WDR83: variants seen among roughly 807,000 people sequenced by gnomAD.
WDR83 encodes WD repeat domain 83, also known as WD repeat domain-containing protein 83.
WDR83 carries 37 observed loss-of-function variants against 37.7 expected under a neutral mutation model. That is an observed-to-expected ratio of 0.98 (90% CI 0.76 to 1.29). The LOEUF (loss-of-function observed/expected upper bound fraction) is 1.29. WDR83 is among the 50% of genes most tolerant of loss of function. The probability of loss-of-function intolerance (pLI) is 0.00; values close to 1 mark genes in which losing one functional copy is unlikely to be tolerated. For synonymous variants in WDR83, 174 were observed against 181.1 expected, an observed-to-expected ratio of 0.96 and a Z score of 0.31; for missense variants, 445 against 414.4, an observed-to-expected ratio of 1.07 and a Z score of -0.64.
In WDR83 at chr19:12,669,749, G is replaced by C. The variant is rs368950634; in HGVS notation, c.-36-6G>C. The C allele has an allele frequency of 4.5e-6, 7 of 1,542,590 alleles. No individual in the cohort carries two copies. The highest frequency in any genetic ancestry group is 6.1e-6 in the Non-Finnish European group (7 of 1,144,216). On this transcript the variant is annotated splice_polypyrimidine_tract_variant and splice_region_variant and intron_variant, in intron 2 of 10. Transcript: ENST00000418543. Reference sequence around the variant, plus strand: ...GGGTTTCTAAGGCGCGGAATTTTCCGTACAGACCGATTTAAGGCTGCAAGG... The same window carrying C: ...GGGTTTCTAAGGCGCGGAATTTTCCCTACAGACCGATTTAAGGCTGCAAGG...
Position 12,672,880 on chromosome 19 carries a change from A to G in WDR83, c.540A>G (p.Leu180=), listed in dbSNP as rs2145321124. Residue 180 remains leucine, a synonymous_variant, in exon 8 of 11, where the codon CTA becomes CTG. Coordinates refer to ENST00000418543, the MANE Select transcript of WDR83 (RefSeq NM_001099737.3). ...ATGGCCGCGTGAGACGCTATGACCT[A>G]AGGATGGGGCAGCTCTTCTCAGACT... The part of the protein sequence containing the change: ...SVDGRVRRYD[L]RMGQLFSDYV... The G allele has an allele frequency of 6.3e-7, 1 of 1,596,092 alleles. No homozygotes were observed. The highest frequency in any genetic ancestry group is 8.5e-7 in the Non-Finnish European group (1 of 1,171,254).
At chr19:12,673,863 C>G (rs1452956848) in intron 10 of WDR83, among the ~76,000 whole-genome samples, 1 of 152,036 alleles carries the variant, frequency 6.6e-6, no homozygotes, top group East Asian at 1.9e-4. Flanking sequence ...CCATACCTGG[C>G]TAATTTTTGT....
intron 10 of WDR83, among the ~76,000 whole-genome samples, chr19:12,675,066 A>ATGGC (rs1207654513): frequency 6.6e-6 from 1 of 151,490 alleles, no homozygotes; most frequent in East Asian, 1.9e-4. Flanking sequence ...GTGAGCCCAG[A>ATGGC]TGGCGCCACT....
intron 7 of WDR83, 87 bp from the exon 8 acceptor site, chr19:12,672,760 C>T: frequency 1.5e-6 from 2 of 1,360,958 alleles, no homozygotes; most frequent in Non-Finnish European, 2.0e-6. Flanking sequence ...ACTGGAAGAG[C>T]AGGCCCACTG....
chr19:12,669,598 G>T, intron 2 of WDR83, 157 bp from the exon 3 acceptor site: 1 of 928,980 alleles, frequency 1.1e-6, no homozygotes, highest in Non-Finnish European at 1.6e-6. Context: ...GGGAAAATGG[G>T]GAAAAGAACC....
chr19:12,675,269 T>C (rs191624205), intron 10 of WDR83, among the ~76,000 whole-genome samples: 11 of 152,172 alleles, frequency 7.2e-5, no homozygotes, highest in Middle Eastern at 3.4e-3. Flanking sequence ...TCTGCTATTT[T>C]AAAAAATAAA....
chr19:12,667,608 A>G (rs2024289550), intron 1 of WDR83, among the ~76,000 whole-genome samples: 1 of 152,178 alleles, frequency 6.6e-6, no homozygotes. Context: ...AGCCGAGATC[A>G]AGATCATGCC....
At chr19:12,675,385 A>G (rs917088894) in intron 10 of WDR83, 138 bp from the exon 11 acceptor site, 2 of 1,244,704 alleles carry the variant, frequency 1.6e-6, no homozygotes, top group Admixed American at 2.5e-5. Flanking sequence ...CTAGGAGGCA[A>G]TTAGAGGCAG....
intron 7 of WDR83, among the ~76,000 whole-genome samples, chr19:12,671,622 T>G (rs2145315640): frequency 6.6e-6 from 1 of 151,068 alleles, no homozygotes; most frequent in Middle Eastern, 3.4e-3. Flanking sequence ...ACTACACTCC[T>G]GGGCGATAGA....
In WDR83 at chr19:12,673,112, G is replaced by C; in HGVS notation, c.679G>C (p.Gly227Arg). The change falls in exon 9 of 11, where the codon GGC (glycine) becomes CGC (arginine). Residue 227 changes from glycine (G) to arginine (R), a missense_variant. Gly to Arg is a moderately radical substitution (Grantham distance 125, BLOSUM62 -2). Coordinates refer to ENST00000418543, the MANE Select transcript of WDR83 (RefSeq NM_001099737.3). ...LLDKDTGELL[G>R]EYKGHKNQEY... Reference sequence around the variant, plus strand: ...GGACAAAGACACAGGGGAGCTGCTGGGCGAGTGAGTCCTTGTGGTCGTGGG... The same window carrying C: ...GGACAAAGACACAGGGGAGCTGCTGCGCGAGTGAGTCCTTGTGGTCGTGGG... The C allele has an allele frequency of 6.2e-7, 1 of 1,612,718 alleles. No homozygotes were observed. Among genetic ancestry groups the C allele is most frequent in the Non-Finnish European group, 8.5e-7 (1 of 1,179,004 alleles).
At chr19:12,675,477 G>A (rs1266704192) in intron 10 of WDR83, 46 bp from the exon 11 acceptor site, 1 of 1,587,988 alleles carries the variant, frequency 6.3e-7, no homozygotes. Flanking sequence ...AGAAACCAGG[G>A]TACAGCCCAG....
chr19:12,669,817 G>A lies in WDR83; in HGVS notation c.27G>A (p.Arg9=), dbSNP rs1568312168. The A allele has an allele frequency of 6.2e-7, 1 of 1,610,432 alleles. No homozygotes were observed. The highest frequency in any genetic ancestry group is 2.2e-5 in the East Asian group (1 of 44,840). The change falls in exon 3 of 11, where the codon CGG becomes CGA. Residue 9 remains arginine, a synonymous_variant. Coordinates refer to ENST00000418543, the MANE Select transcript of WDR83 (RefSeq NM_001099737.3). ...TGGCTTTCCCTGAGCCAAAGCCGCG[G>A]CCTCCAGAGCTGCCGCAGAAACGGT... MAFPEPKP[R]PPELPQKRLK... is the part of the protein sequence containing the mutation.
chr19:12,675,200 G>C (rs772894896), intron 10 of WDR83, among the ~76,000 whole-genome samples: 1 of 152,192 alleles, frequency 6.6e-6, no homozygotes, highest in Non-Finnish European at 1.5e-5. Context: ...GCCAAGGCAG[G>C]AGGATCACTT....
At chr19:12,670,519 T>C in intron 5 of WDR83, 44 bp from the exon 6 acceptor site, 1 of 1,613,904 alleles carries the variant, frequency 6.2e-7, no homozygotes, top group Non-Finnish European at 8.5e-7. Flanking sequence ...TTTATCCCAG[T>C]CCTCCAAAGT....
rs1291247321 is a variant in WDR83, at chr19:12,675,705, G to A, written c.*33G>A. The A allele has an allele frequency of 1.0e-5, 16 of 1,595,726 alleles. No homozygotes were observed. Among genetic ancestry groups the A allele is most frequent in the Admixed American group, 3.4e-5 (2 of 58,712 alleles). On this transcript the variant is annotated 3_prime_UTR_variant, in exon 11 of 11. Coordinates refer to ENST00000418543, the MANE Select transcript of WDR83 (RefSeq NM_001099737.3). ...GGACCCACCAACAGGACCAAGGACC[G>A]AGACACAGACATGGAAGGACTTCAG...
chr19:12,668,022 C>G (rs747598534), intron 1 of WDR83: 1 of 281,700 alleles, frequency 3.5e-6, no homozygotes, highest in Admixed American at 4.8e-5. Flanking sequence ...GGGCTAGAGC[C>G]CTTCCCGCCA....
chr19:12,669,674 TAA>T lies in WDR83; in HGVS notation c.-36-79_-36-78del, dbSNP rs1254102957. The T allele has an allele frequency of 1.5e-5, 17 of 1,165,574 alleles. 1 individual carries two copies. The South Asian group carries it at 2.5e-4, about 17-fold the overall frequency. The allele number at this position is 1,165,574 out of a possible 1,614,324, so 72.2% of individuals were successfully genotyped here. A position where few individuals can be genotyped will look rare whatever the true frequency, so the allele number is the denominator to read the frequency against. ...GCCAAAATGATGAACCCGGAAGTGA[TAA>T]ACAGGAAGTAGGTCAGGAAGAACAA... On this transcript the variant is annotated intron_variant, in intron 2 of 10. Transcript: ENST00000418543.
intron 7 of WDR83, chr19:12,672,216 G>C (rs542183966): frequency 1.3e-5 from 2 of 154,014 alleles, no homozygotes; most frequent in Non-Finnish European, 2.9e-5. Context: ...GTGGCTGTGG[G>C]GGGTGCAGGG....
In WDR83 at chr19:12,672,879, T is replaced by C. The variant is rs1457772817; in HGVS notation, c.539T>C (p.Leu180Pro). Residue 180 changes from leucine to proline, a missense_variant, in exon 8 of 11, where the codon CTA becomes CCA. Leu to Pro is a moderately conservative substitution (Grantham distance 98, BLOSUM62 -3). Coordinates refer to ENST00000418543, the MANE Select transcript of WDR83 (RefSeq NM_001099737.3). ...GATGGCCGCGTGAGACGCTATGACC[T>C]AAGGATGGGGCAGCTCTTCTCAGAC... Reference protein sequence around the residue: ...SVDGRVRRYDLRMGQLFSDYV... With the variant: ...SVDGRVRRYDPRMGQLFSDYV... The C allele has an allele frequency of 1.3e-6, 2 of 1,595,862 alleles. No homozygotes were observed. Among genetic ancestry groups the C allele is most frequent in the Admixed American group, 1.8e-5 (1 of 56,960 alleles).
Sources: gnomAD v4.1 joint callset for allele counts (sites outside exome capture counted in the v4.1 genomes callset) on GRCh38, gnomAD v4.1.1 for gene constraint, MANE v1.5 for transcripts, NCBI Gene and HGNC (gene_info 2026-07-23, HGNC 2026-07-21) for gene names.